EIPR1: variants seen among roughly 807,000 people sequenced by gnomAD.
EIPR1 encodes the protein EARP and GARP complex-interacting protein 1.
A neutral mutation model predicts 48.1 loss-of-function variants in EIPR1; 25 were observed. That is an observed-to-expected ratio of 0.52 (90% confidence interval 0.38 to 0.73). EIPR1 has a LOEUF of 0.73. Among genes scored for constraint, EIPR1 ranks in the 30% least tolerant of loss-of-function variants. The pLI is 0.00. For synonymous variants in EIPR1, 204 were observed against 201.9 expected (o/e 1.01, Z -0.09); for missense variants, 415 against 506.2 (o/e 0.82, Z 1.73).
chr2:3,284,491 G>A (rs1428855306), intron 3 of EIPR1, among the ~76,000 whole-genome samples: 6 of 151,776 alleles, frequency 4.0e-5, no homozygotes, highest in South Asian at 2.1e-4. Context: ...GAGATGGGGC[G>A]GGAGGCCGGG....
intron 3 of EIPR1, among the ~76,000 whole-genome samples, chr2:3,265,263 G>A (rs2694077): frequency 0.68 from 104,042 of 152,026 alleles, 35,969 homozygotes; most frequent in East Asian, 0.81. Context: ...ACGTTGCTGA[G>A]TAAGGAGTGT....
At chr2:3,224,766 C>T (rs559078488) in intron 4 of EIPR1, among the ~76,000 whole-genome samples, 14 of 152,346 alleles carry the variant, frequency 9.2e-5, no homozygotes, top group African/African-American at 3.1e-4. Flanking sequence ...AGCTGAACAT[C>T]GGGCTCACCT....
intron 1 of EIPR1, among the ~76,000 whole-genome samples, chr2:3,368,439 G>C (rs1671029133): frequency 6.6e-6 from 1 of 152,194 alleles, no homozygotes; most frequent in African/African-American, 2.4e-5. Flanking sequence ...GGAGTTGGCA[G>C]ATGTAGCCCT....
chr2:3,282,388 C>A (rs1396783324), intron 3 of EIPR1: 1 of 152,286 alleles, frequency 6.6e-6, no homozygotes, highest in African/African-American at 2.4e-5. Flanking sequence ...ACAAAAAACA[C>A]AGCCCCACAG....
intron 5 of EIPR1, among the ~76,000 whole-genome samples, chr2:3,198,459 C>T (rs1363371415): frequency 1.3e-5 from 2 of 152,232 alleles, no homozygotes; most frequent in Admixed American, 6.5e-5. Context: ...TCACCTCCCA[C>T]TCCGAAAGCC....
At chr2:3,205,818 G>A (rs1019449183) in intron 5 of EIPR1, among the ~76,000 whole-genome samples, 2 of 152,268 alleles carry the variant, frequency 1.3e-5, no homozygotes, top group African/African-American at 2.4e-5. Flanking sequence ...TATAACTCAC[G>A]CACGTGACAA....
chr2:3,237,764 G>A (rs1170734994), intron 4 of EIPR1, among the ~76,000 whole-genome samples: 2 of 152,190 alleles, frequency 1.3e-5, no homozygotes, highest in African/African-American at 4.8e-5. Context: ...CTGAGCCTTG[G>A]TTTCCGCTTC....
chr2:3,320,888 T>C (rs530151819), intron 3 of EIPR1, among the ~76,000 whole-genome samples: 90 of 152,310 alleles, frequency 5.9e-4, no homozygotes, highest in African/African-American at 2.0e-3. Context: ...CCAGAGAAGA[T>C]AGGTCACCTG....
At chr2:3,361,209 C>T (rs564285737) in intron 1 of EIPR1, among the ~76,000 whole-genome samples, 3 of 152,286 alleles carry the variant, frequency 2.0e-5, no homozygotes, top group South Asian at 2.1e-4. Flanking sequence ...GAAGTCCAAG[C>T]CTTTCCACGT....
intron 7 of EIPR1, 100 bp from the exon 8 acceptor site, chr2:3,192,681 C>T (rs1572272212): frequency 1.2e-5 from 15 of 1,239,576 alleles, no homozygotes; most frequent in African/African-American, 3.1e-5. Context: ...CTGGGGCTCA[C>T]GTTAGGCACT....
intron 1 of EIPR1, among the ~76,000 whole-genome samples, chr2:3,361,219 T>A (rs181882798): frequency 6.6e-6 from 1 of 152,160 alleles, no homozygotes; most frequent in African/African-American, 2.4e-5. Flanking sequence ...CCTTTCCACG[T>A]AGCTAAGGGG....
In EIPR1 at chr2:3,253,232, T is replaced by C. The variant is rs547965416; in HGVS notation, c.416+4067A>G. ...TAACCAGAAAATGTTTAAATTTACC[T>C]ACAGTCTGGAAGCCTCCTGCTTCGA... On this transcript the variant is annotated intron_variant, in intron 4 of 8. Transcript: ENST00000382125. Among the ~76,000 whole-genome samples, 70 of 152,308 alleles carry C rather than the reference T, an allele frequency of 4.6e-4. 2 individuals are homozygous for C. In the South Asian group the frequency reaches 0.015, roughly 32 times the overall value.
intron 4 of EIPR1, among the ~76,000 whole-genome samples, chr2:3,225,530 G>A (rs757421120): frequency 3.3e-5 from 5 of 152,214 alleles, no homozygotes; most frequent in South Asian, 2.1e-4. Context: ...AGAGGCATGC[G>A]CCACCACGCC....
Position 3,219,982 on chromosome 2 carries a change from T to G in EIPR1, c.417-5734A>C, listed in dbSNP as rs150589730. 3.9e-5 allele frequency among the ~76,000 whole-genome samples: 6 copies of G among 152,300 alleles called. No individual in the cohort carries two copies. In the East Asian group the frequency reaches 1.2e-3, roughly 29 times the overall value. On this transcript the variant is annotated intron_variant, in intron 4 of 8. Coordinates refer to ENST00000382125, the MANE Select transcript of EIPR1 (RefSeq NM_003310.5). ...GTGACATTACAGCCTGAGCTCTGTC[T>G]CCTGTCAAATCAGGAGGCATTAGAT... is the stretch of plus-strand genomic sequence containing the variant.
At chr2:3,317,331 C>G (rs1327809590) in intron 3 of EIPR1, among the ~76,000 whole-genome samples, 3 of 151,830 alleles carry the variant, frequency 2.0e-5, no homozygotes, top group Non-Finnish European at 4.4e-5. Context: ...CTACTGTGTG[C>G]CTCGCACGCG....
intron 3 of EIPR1, among the ~76,000 whole-genome samples, chr2:3,262,489 TA>T (rs1406057137): frequency 6.6e-6 from 1 of 152,208 alleles, no homozygotes; most frequent in Non-Finnish European, 1.5e-5. Context: ...TGACACATTA[TA>T]CACCTAGGAA....
In EIPR1 at chr2:3,211,694, C is replaced by G. The variant is rs539549947; in HGVS notation, c.516+2455G>C. On this transcript the variant is annotated intron_variant, in intron 5 of 8. Transcript: ENST00000382125. ...TGTGTCACGCCAAGCAGATGGCTCT[C>G]TCTAGATGGCCACCTTCAAGGAGCT... Among the ~76,000 whole-genome samples, 11 of 152,344 alleles carry G rather than the reference C, an allele frequency of 7.2e-5. 1 individual carries two copies. In the East Asian group the frequency reaches 1.5e-3, roughly 21 times the overall value.
chr2:3,208,619 T>C (rs1415779274), intron 5 of EIPR1: 124 of 1,550,506 alleles, frequency 8.0e-5, no homozygotes, highest in Non-Finnish European at 1.1e-4. Flanking sequence ...GTTGAATGAA[T>C]TTGGCCATGG....
chr2:3,317,134 A>G (rs1293022748), intron 3 of EIPR1, among the ~76,000 whole-genome samples: 15 of 129,348 alleles, frequency 1.2e-4, no homozygotes, highest in African/African-American at 2.6e-4. Context: ...GGTGGAGCAC[A>G]GAGCCCCAGG....
Sources: allele counts gnomAD v4.1 joint callset (sites outside exome capture counted in the v4.1 genomes callset), GRCh38; gene constraint gnomAD v4.1.1; transcripts MANE v1.5; gene names NCBI Gene and HGNC (gene_info 2026-07-23, HGNC 2026-07-21).